Variants in PKHD1 observed in about 807,000 individuals in gnomAD.
PKHD1 encodes fibrocystin.
A neutral mutation model predicts 412.0 loss-of-function variants in PKHD1; 291 were observed. The observed-to-expected ratio is 0.71, with a 90% CI of 0.64 to 0.78. PKHD1 has a LOEUF of 0.78. PKHD1 is among the 30% of genes least tolerant of loss of function. The pLI is 0.00. For missense variants in PKHD1, 4,825 were observed against 4,950.7 expected (o/e 0.97, Z 0.76); for synonymous variants, 1,777 against 1,821.5 (o/e 0.98, Z 0.62).
At chr6:52,049,746 T>A (rs1463468484) in intron 22 of PKHD1, among the ~76,000 whole-genome samples, 1 of 152,276 alleles carries the variant, frequency 6.6e-6, no homozygotes, top group East Asian at 1.9e-4. Flanking sequence ...TTCAAAGGAT[T>A]TCAACAAGAT....
At chr6:51,776,151 G>A (rs921187260) in intron 53 of PKHD1, among the ~76,000 whole-genome samples, 1 of 151,906 alleles carries the variant, frequency 6.6e-6, no homozygotes, top group African/African-American at 2.4e-5. Flanking sequence ...TTCTTTATTA[G>A]GGCAGTGTAA....
intron 55 of PKHD1, among the ~76,000 whole-genome samples, chr6:51,758,016 G>GAGAGAGAGAGAGAGAC (rs1267653746): frequency 2.2e-5 from 1 of 44,590 alleles, no homozygotes; most frequent in Non-Finnish European, 5.3e-5. Flanking sequence ...CCTGCCAAAA[G>GAGAGAGAGAGAGAGAC]AGAGAGAGAG....
At chr6:51,623,148 T>C (rs1244761324) in intron 66 of PKHD1, among the ~76,000 whole-genome samples, 2 of 152,186 alleles carry the variant, frequency 1.3e-5, no homozygotes, top group Non-Finnish European at 2.9e-5. Context: ...TTGGAATCCA[T>C]CTTATGCTAT....
intron 35 of PKHD1, among the ~76,000 whole-genome samples, chr6:51,986,018 A>G (rs1030012834): frequency 2.6e-5 from 4 of 152,250 alleles, no homozygotes; most frequent in Admixed American, 6.5e-5. Flanking sequence ...CAACTTATTT[A>G]TAATCAGCAT....
Position 52,058,547 on chromosome 6 carries a change from G to A in PKHD1, c.1288C>T (p.Gln430Ter). ...TGCCAGGTCCCTTCATCCCTATTCTGCTCCCAGGAGTCAAACCAGTCAGCA... is the reference window on the plus strand; with the variant it reads ...TGCCAGGTCCCTTCATCCCTATTCTACTCCCAGGAGTCAAACCAGTCAGCA... ...GTADWFDSWEQNRDEGTWQQK... is the reference protein window; with the variant it reads ...GTADWFDSWE Residue 430 changes from glutamine to a stop codon, truncating the protein, a stop_gained, in exon 16 of 67, where the codon CAG (glutamine) becomes TAG (stop). Coordinates refer to ENST00000371117, the MANE Select transcript of PKHD1 (RefSeq NM_138694.4). LOFTEE classifies it high-confidence loss of function. 6.2e-7 allele frequency: 1 copy of A among 1,614,138 alleles called. No individual in the cohort carries two copies. Among genetic ancestry groups the A allele is most frequent in the Non-Finnish European group, 8.5e-7 (1 of 1,180,014 alleles).
chr6:51,691,723 G>A (rs4711979), intron 60 of PKHD1, among the ~76,000 whole-genome samples: 18,892 of 151,872 alleles, frequency 0.12, 1,729 homozygotes, highest in East Asian at 0.32. Context: ...TTAATACCTG[G>A]GTGACAAAAT....
chr6:51,662,394 A>G (rs565628099), intron 60 of PKHD1, among the ~76,000 whole-genome samples: 1 of 152,002 alleles, frequency 6.6e-6, no homozygotes, highest in South Asian at 2.1e-4. Flanking sequence ...TAATGGATAT[A>G]TTAGTTTTCG....
At chr6:51,916,365 G>T (rs1017620119) in intron 37 of PKHD1, among the ~76,000 whole-genome samples, 3 of 152,120 alleles carry the variant, frequency 2.0e-5, no homozygotes, top group Admixed American at 6.6e-5. Flanking sequence ...TAGTTTCATT[G>T]TCAAGTAAGA....
chr6:51,989,795 A>ACTCC (rs1041094565), intron 35 of PKHD1, among the ~76,000 whole-genome samples: 3 of 148,504 alleles, frequency 2.0e-5, no homozygotes, highest in African/African-American at 7.5e-5. Context: ...TATCTGCTGA[A>ACTCC]CTCCCAGTAA....
intron 52 of PKHD1, among the ~76,000 whole-genome samples, chr6:51,829,482 G>A (rs186280020): frequency 6.6e-5 from 10 of 152,242 alleles, no homozygotes; most frequent in South Asian, 2.1e-4. Flanking sequence ...GGGTGAATCC[G>A]CTGGCTAGAT....
rs1766044179 is a variant in PKHD1 at position 51,616,109 on chromosome 6, G to T, written c.*2972C>A. The T allele has an allele frequency of 6.6e-6, 1 of 152,140 alleles. No homozygotes were observed. Among genetic ancestry groups the T allele is most frequent in the Non-Finnish European group, 1.5e-5 (1 of 68,050 alleles). The allele number at this position is 152,140 out of a possible 1,614,324, so 9.4% of individuals were successfully genotyped here. On this transcript the variant is annotated 3_prime_UTR_variant, in exon 67 of 67. Coordinates refer to ENST00000371117, the MANE Select transcript of PKHD1 (RefSeq NM_138694.4). ...TATATTTATCATGTACAACTCGATA[G>T]TTTGAAATATGTATACATTGTGGAA...
chr6:51,996,380 T>C (rs779211970), intron 35 of PKHD1, among the ~76,000 whole-genome samples: 2 of 152,176 alleles, frequency 1.3e-5, no homozygotes, highest in Non-Finnish European at 2.9e-5. Context: ...TAACAGACTA[T>C]TTCTTTCCCT....
At position 51,976,944 on chromosome 6, in the gene PKHD1, T is replaced by TAAAAAAAAAAAAAA. The variant is rs10671492; in HGVS notation, c.5752-16932_5752-16919dup. ...GCCTGGGTGATAGAGTGAGACTCCA[T>TAAAAAAAAAAAAAA]AAAAAAAAAAAAAAAAAAAACCTGA... On this transcript the variant is annotated intron_variant, in intron 35 of 66. Coordinates refer to ENST00000371117, the MANE Select transcript of PKHD1 (RefSeq NM_138694.4). Among the ~76,000 whole-genome samples the TAAAAAAAAAAAAAA allele has an allele frequency of 2.3e-3, 211 of 93,506 alleles. 4 individuals are homozygous for TAAAAAAAAAAAAAA. The highest frequency in any genetic ancestry group is 2.4e-3 in the Non-Finnish European group (123 of 51,028). The allele number at this position is 93,506 out of a possible 152,430, so 61.3% of individuals were successfully genotyped here. A position where few individuals can be genotyped will look rare whatever the true frequency, so the allele number is the denominator to read the frequency against.
In PKHD1 at chr6:51,636,575, A is replaced by ACAAAC. The variant is rs112876663; in HGVS notation, c.11506+2273_11506+2274insGTTTG. ...TCTAAAAATAACAACAACAACAACAAACACACACACACACACAAAACAACA... is the reference window on the plus strand; with the variant it reads ...TCTAAAAATAACAACAACAACAACAACAAACACACACACACACACACAAAACAACA... On this transcript the variant is annotated intron_variant, in intron 64 of 66. Transcript: ENST00000371117. Among the ~76,000 whole-genome samples, 687 of 151,494 alleles carry ACAAAC rather than the reference A, an allele frequency of 4.5e-3. 3 individuals are homozygous for ACAAAC. The highest frequency in any genetic ancestry group is 0.016 in the African/African-American group (652 of 41,316).
chr6:51,996,554 G>A (rs139055449), intron 35 of PKHD1, among the ~76,000 whole-genome samples: 64 of 152,224 alleles, frequency 4.2e-4, no homozygotes, highest in African/African-American at 1.5e-3. Flanking sequence ...AAAGTCCTGC[G>A]GGCCACTGAA....
chr6:51,625,732 G>A lies in PKHD1; in HGVS notation c.11785+1265C>T, dbSNP rs1229994128. ...CATAAATGGCCATATGAGATTAAGA[G>A]AGAGATTAGTACTGCTCCTGCCACT... is the stretch of plus-strand genomic sequence containing the variant. On this transcript the variant is annotated intron_variant, in intron 66 of 66. Coordinates refer to ENST00000371117, the MANE Select transcript of PKHD1 (RefSeq NM_138694.4). Among the ~76,000 whole-genome samples the A allele has an allele frequency of 2.6e-5, 4 of 152,156 alleles. No individual in the cohort carries two copies. In the East Asian group the frequency reaches 7.7e-4, roughly 29 times the overall value.
intron 17 of PKHD1, 23 bp downstream of exon 17, chr6:52,056,867 C>T (rs1807836303): frequency 1.2e-6 from 2 of 1,600,982 alleles, no homozygotes; most frequent in African/African-American, 1.3e-5. Flanking sequence ...TCCCCTCCCT[C>T]ATTTTTTGAA....
At chr6:51,898,243 A>T (rs1422304045) in intron 43 of PKHD1, among the ~76,000 whole-genome samples, 2 of 151,092 alleles carry the variant, frequency 1.3e-5, no homozygotes, top group Admixed American at 1.3e-4. Context: ...ACCTATTCCA[A>T]AATTGACCAC....
chr6:51,883,956 C>T lies in PKHD1; in HGVS notation c.7216-729G>A, dbSNP rs1777797435. ...TATAGACTGATGCAGCAAGAAGGTC[C>T]TCAGAAGATGCTGGCCTCTCAATCT... On this transcript the variant is annotated intron_variant, in intron 45 of 66. Coordinates refer to ENST00000371117, the MANE Select transcript of PKHD1 (RefSeq NM_138694.4). 2.0e-5 allele frequency among the ~76,000 whole-genome samples: 3 copies of T among 152,132 alleles called. No individual in the cohort carries two copies. In the South Asian group the frequency reaches 6.2e-4, roughly 32 times the overall value.
Sources: gnomAD v4.1 joint callset for allele counts (sites outside exome capture counted in the v4.1 genomes callset) on GRCh38, gnomAD v4.1.1 for gene constraint, MANE v1.5 for transcripts, NCBI Gene and HGNC (gene_info 2026-07-23, HGNC 2026-07-21) for gene names.